The following SNTG1 variants were observed in gnomAD, a reference collection of about 807,000 sequenced individuals.
The protein encoded by SNTG1 is syntrophin gamma 1.
In SNTG1, 39 loss-of-function variants were observed where a neutral mutation model predicts 74.7. The ratio of observed to expected loss-of-function variants is 0.52; its 90% CI spans 0.40 to 0.68. SNTG1 has a LOEUF of 0.68. Ranked by LOEUF, SNTG1 falls within the 30% of genes least tolerant of loss-of-function variation. The pLI, the probability that SNTG1 is intolerant of heterozygous loss-of-function variation, is 0.00. For synonymous variants in SNTG1, 254 were observed against 217.1 expected (o/e 1.17, Z -1.49); for missense variants, 685 against 609.5 (o/e 1.12, Z -1.30).
At chr8:50,751,664 A>T (rs1216104873) in intron 17 of SNTG1, among the ~76,000 whole-genome samples, 1 of 152,026 alleles carries the variant, frequency 6.6e-6, no homozygotes, top group African/African-American at 2.4e-5. Flanking sequence ...TTCCAGAATG[A>T]TCAATTCAAA....
chr8:50,486,094 C>T (rs1473782631), intron 8 of SNTG1, among the ~76,000 whole-genome samples: 1 of 152,182 alleles, frequency 6.6e-6, no homozygotes, highest in Non-Finnish European at 1.5e-5. Flanking sequence ...ATGCCTCCAG[C>T]TTTGTTCTTT....
intron 1 of SNTG1, among the ~76,000 whole-genome samples, chr8:50,134,034 T>G (rs1488452149): frequency 6.6e-6 from 1 of 152,136 alleles, no homozygotes; most frequent in Non-Finnish European, 1.5e-5. Flanking sequence ...TTGAGTATAT[T>G]AGTTAAGGCC....
chr8:50,632,823 A>C (rs1395673144), intron 13 of SNTG1, among the ~76,000 whole-genome samples: 1 of 152,188 alleles, frequency 6.6e-6, no homozygotes, highest in Non-Finnish European at 1.5e-5. Flanking sequence ...GGTTTAGGCT[A>C]TCAGTGTCTA....
At chr8:50,422,239 G>GCGAT (rs1424025511) in intron 4 of SNTG1, among the ~76,000 whole-genome samples, 1 of 35,494 alleles carries the variant, frequency 2.8e-5, no homozygotes, top group African/African-American at 1.0e-4. Flanking sequence ...TCCTTCAACA[G>GCGAT]CGATCTATCT....
intron 2 of SNTG1, among the ~76,000 whole-genome samples, chr8:50,296,254 C>T (rs2089365583): frequency 6.6e-6 from 1 of 152,172 alleles, no homozygotes; most frequent in African/African-American, 2.4e-5. Context: ...CCAGCAATCC[C>T]ATTACTGGGA....
At chr8:50,150,016 C>T (rs542675308) in intron 1 of SNTG1, among the ~76,000 whole-genome samples, 1 of 152,186 alleles carries the variant, frequency 6.6e-6, no homozygotes, top group South Asian at 2.1e-4. Context: ...TTGATTTTTC[C>T]TATCCATGAC....
chr8:50,363,950 G>A (rs1323274301), intron 2 of SNTG1, among the ~76,000 whole-genome samples: 1 of 152,144 alleles, frequency 6.6e-6, no homozygotes, highest in East Asian at 1.9e-4. Flanking sequence ...AGATGGCAGA[G>A]ATACACGCCT....
At position 50,577,331 on chromosome 8, in the gene SNTG1, T is replaced by C. The variant is rs556834081; in HGVS notation, c.811-13548T>C. ...CATTCCAGGAATAAAACCCACTTGA[T>C]AATTGTATATAATCTTTTTAATGTG... On this transcript the variant is annotated intron_variant, in intron 12 of 18. Coordinates refer to ENST00000642720, the MANE Select transcript of SNTG1 (RefSeq NM_018967.5). Among the ~76,000 whole-genome samples, 236 of 152,292 alleles carry C rather than the reference T, an allele frequency of 1.5e-3. 1 individual carries two copies. The highest frequency in any genetic ancestry group is 5.4e-3 in the African/African-American group (225 of 41,574).
At chr8:50,108,867 C>A (rs2080478846) in intron 1 of SNTG1, among the ~76,000 whole-genome samples, 1 of 152,056 alleles carries the variant, frequency 6.6e-6, no homozygotes, top group Non-Finnish European at 1.5e-5. Context: ...CTGAAGGAAA[C>A]TTTGAAGAGG....
intron 17 of SNTG1, among the ~76,000 whole-genome samples, chr8:50,732,546 TTAA>T (rs953655628): frequency 6.6e-6 from 1 of 152,004 alleles, no homozygotes; most frequent in African/African-American, 2.4e-5. Flanking sequence ...TTGATATTCA[TTAA>T]TAATAAGGTG....
intron 5 of SNTG1, among the ~76,000 whole-genome samples, chr8:50,443,559 C>T (rs2093377589): frequency 6.6e-6 from 1 of 152,054 alleles, no homozygotes; most frequent in African/African-American, 2.4e-5. Flanking sequence ...GAGCTAAATA[C>T]TTCATATTTA....
chr8:50,735,013 T>C (rs2095524672), intron 17 of SNTG1, among the ~76,000 whole-genome samples: 1 of 148,612 alleles, frequency 6.7e-6, no homozygotes, highest in African/African-American at 2.5e-5. Flanking sequence ...ATCTCAACCA[T>C]GCAACTTGTA....
intron 1 of SNTG1, among the ~76,000 whole-genome samples, chr8:50,058,957 C>T (rs1376299359): frequency 2.0e-5 from 3 of 152,082 alleles, no homozygotes; most frequent in Admixed American, 2.0e-4. Context: ...ATTTTCCAAA[C>T]TTTGTCATTT....
At chr8:49,992,474 T>C (rs1305207927) in intron 1 of SNTG1, among the ~76,000 whole-genome samples, 1 of 152,192 alleles carries the variant, frequency 6.6e-6, no homozygotes, top group African/African-American at 2.4e-5. Flanking sequence ...CACACTTGAT[T>C]TGAAGCAAGT....
At chr8:50,170,399 G>T (rs967993998) in intron 1 of SNTG1, among the ~76,000 whole-genome samples, 5 of 152,008 alleles carry the variant, frequency 3.3e-5, no homozygotes, top group South Asian at 2.1e-4. Context: ...AAACTTAAAA[G>T]ATATGATAAT....
At chr8:50,789,564 G>A (rs1335115735) in intron 18 of SNTG1, among the ~76,000 whole-genome samples, 1 of 151,984 alleles carries the variant, frequency 6.6e-6, no homozygotes, top group African/African-American at 2.4e-5. Flanking sequence ...GCGTTCAGAT[G>A]TAACATGCCC....
rs971194152 is a variant in SNTG1, at chr8:50,663,560, G to A, written c.1038+4897G>A. On this transcript the variant is annotated intron_variant, in intron 15 of 18. Coordinates refer to ENST00000642720, the MANE Select transcript of SNTG1 (RefSeq NM_018967.5). ...CAGCCTTCTTGCACCGCTCTGGTTT[G>A]ACTCGTTTTGCTCTGATTCTAGCCT... 2.6e-5 allele frequency among the ~76,000 whole-genome samples: 4 copies of A among 152,182 alleles called. No individual in the cohort carries two copies. The South Asian group carries it at 6.2e-4, about 24-fold the overall frequency.
chr8:50,340,011 A>G (rs781019030), intron 2 of SNTG1, among the ~76,000 whole-genome samples: 5 of 150,846 alleles, frequency 3.3e-5, no homozygotes, highest in Non-Finnish European at 5.9e-5. Context: ...ATACAAATCC[A>G]TAAAAATACA....
intron 12 of SNTG1, among the ~76,000 whole-genome samples, chr8:50,585,582 A>T (rs561011567): frequency 9.9e-5 from 15 of 152,202 alleles, no homozygotes; most frequent in Non-Finnish European, 1.9e-4. Context: ...TCTTAAAATG[A>T]TGCAGAGAAT....
Sources: gnomAD v4.1 joint callset for allele counts (sites outside exome capture counted in the v4.1 genomes callset) on GRCh38, gnomAD v4.1.1 for gene constraint, MANE v1.5 for transcripts, NCBI Gene and HGNC (gene_info 2026-07-23, HGNC 2026-07-21) for gene names.